The following GARNL3 variants were observed in gnomAD, a reference collection of about 807,000 sequenced individuals.
GARNL3 encodes GTPase-activating Rap/Ran-GAP domain-like protein 3.
GARNL3 carries 63 observed loss-of-function variants against 125.0 expected under a neutral mutation model. The observed-to-expected ratio is 0.50, with a 90% CI of 0.41 to 0.62. GARNL3 has a LOEUF of 0.62. Ranked by LOEUF, GARNL3 falls within the 20% of genes least tolerant of loss-of-function variation. The pLI, the probability that GARNL3 is intolerant of heterozygous loss-of-function variation, is 0.00. For synonymous variants in GARNL3, 439 were observed against 457.5 expected (o/e 0.96, Z 0.52); for missense variants, 994 against 1,244.0 (o/e 0.80, Z 3.02).
At chr9:127,375,847 G>C (rs1438739567) in intron 22 of GARNL3, among the ~76,000 whole-genome samples, 1 of 152,226 alleles carries the variant, frequency 6.6e-6, no homozygotes, top group Admixed American at 6.5e-5. Context: ...AGCAGCCCAG[G>C]GGAGAGGTCC....
intron 22 of GARNL3, among the ~76,000 whole-genome samples, chr9:127,370,208 G>C (rs765270036): frequency 6.6e-6 from 1 of 152,200 alleles, no homozygotes; most frequent in African/African-American, 2.4e-5. Flanking sequence ...TGGTGGGAGA[G>C]GTACTTGTTT....
At chr9:127,354,197 C>A in intron 18 of GARNL3, 97 bp from the exon 19 acceptor site, 1 of 886,292 alleles carries the variant, frequency 1.1e-6, no homozygotes, top group Non-Finnish European at 1.8e-6. Context: ...CAGAACACCT[C>A]CAATCCTAGT....
intron 1 of GARNL3, among the ~76,000 whole-genome samples, chr9:127,288,961 T>A (rs1314576573): frequency 6.6e-6 from 1 of 152,180 alleles, no homozygotes; most frequent in African/African-American, 2.4e-5. Flanking sequence ...TATTAATTGA[T>A]CATAGTGCTC....
upstream of GARNL3, among the ~76,000 whole-genome samples, chr9:127,261,800 G>A (rs1364749947): frequency 3.3e-5 from 5 of 152,158 alleles, no homozygotes; most frequent in Non-Finnish European, 7.3e-5. Flanking sequence ...TATTGTTCGG[G>A]ATCCAGAAAC....
chr9:127,349,146 G>A, intron 17 of GARNL3, 111 bp downstream of exon 17: 3 of 743,690 alleles, frequency 4.0e-6, no homozygotes, highest in Non-Finnish European at 7.1e-6. Context: ...GATCTGCAGA[G>A]AGTTTAGCGA....
At chr9:127,388,821 G>A (rs1832682702) in intron 25 of GARNL3, 83 bp from the exon 26 acceptor site, 1 of 868,280 alleles carries the variant, frequency 1.2e-6, no homozygotes, top group Non-Finnish European at 1.9e-6. Flanking sequence ...TTCATGCTAT[G>A]TTAAGGAACA....
chr9:127,387,139 G>A lies in GARNL3; in HGVS notation c.2389-54G>A, dbSNP rs143550093. 8.2e-3 allele frequency: 12,797 copies of A among 1,566,520 alleles called. 76 individuals carry two copies. Among genetic ancestry groups the A allele is most frequent in the Non-Finnish European group, 9.9e-3 (11,351 of 1,150,558 alleles). On this transcript the variant is annotated intron_variant, in intron 24 of 27. Coordinates refer to ENST00000373387, the MANE Select transcript of GARNL3 (RefSeq NM_032293.5). Reference sequence around the variant, plus strand: ...TGCAGTGATGGCAGGAGGGCCAGTGGATGCAAGGCCTAGAACACCAGGCAG... The same window carrying A: ...TGCAGTGATGGCAGGAGGGCCAGTGAATGCAAGGCCTAGAACACCAGGCAG...
At chr9:127,330,666 C>T (rs1829174185) in intron 7 of GARNL3, among the ~76,000 whole-genome samples, 1 of 152,062 alleles carries the variant, frequency 6.6e-6, no homozygotes, top group Non-Finnish European at 1.5e-5. Flanking sequence ...CAAGGTTCTC[C>T]GATGGAGAAT....
chr9:127,319,626 G>A (rs2065340894), intron 5 of GARNL3, among the ~76,000 whole-genome samples: 1 of 152,108 alleles, frequency 6.6e-6, no homozygotes, highest in Non-Finnish European at 1.5e-5. Flanking sequence ...TCTAAAGCCT[G>A]AGTTAAGCCT....
At chr9:127,361,124 G>C (rs1380942092) in intron 21 of GARNL3, among the ~76,000 whole-genome samples, 1 of 152,246 alleles carries the variant, frequency 6.6e-6, no homozygotes, top group African/African-American at 2.4e-5. Context: ...CACAGGGAAG[G>C]CTGAAGGCAG....
chr9:127,336,304 C>T (rs1183817456), intron 11 of GARNL3, 68 bp downstream of exon 11: 8 of 1,024,172 alleles, frequency 7.8e-6, no homozygotes, highest in South Asian at 1.4e-5. Context: ...ACTTCCATGA[C>T]CCTTAAACCA....
In GARNL3 at chr9:127,337,026, A is replaced by G. The variant is rs60240468; in HGVS notation, c.982+790A>G. Among the ~76,000 whole-genome samples the G allele has an allele frequency of 3.7e-3, 565 of 152,362 alleles. 10 individuals are homozygous for G. In the East Asian group the frequency reaches 0.07, roughly 19 times the overall value. On this transcript the variant is annotated intron_variant, in intron 11 of 27. Coordinates refer to ENST00000373387, the MANE Select transcript of GARNL3 (RefSeq NM_032293.5). The stretch of plus-strand genomic sequence containing the variant: ...AGACAGGCCCACGGTGACTCATGGC[A>G]TCTGGAGACTTGGACTTGTTCCTTG...
Position 127,264,907 on chromosome 9 carries a change from G to A in GARNL3, c.30G>A (p.Val10=). The change falls in exon 1 of 28, where the codon GTG becomes GTA. Residue 10 remains valine (V), a synonymous_variant. Coordinates refer to ENST00000373387, the MANE Select transcript of GARNL3 (RefSeq NM_032293.5). MVVDFCRRF[V]ARSLCIILMK... Reference sequence around the variant, plus strand: ...TAGTTGATTTTTGCAGAAGGTTTGTGGCCAGATCGCTATGTATAATACTGA... The same window carrying A: ...TAGTTGATTTTTGCAGAAGGTTTGTAGCCAGATCGCTATGTATAATACTGA... 1 of 1,600,068 alleles carries A rather than the reference G, an allele frequency of 6.2e-7. No individual in the cohort carries two copies. Among genetic ancestry groups the A allele is most frequent in the East Asian group, 2.3e-5 (1 of 44,018 alleles).
intron 16 of GARNL3, among the ~76,000 whole-genome samples, chr9:127,345,896 G>C (rs1249954649): frequency 6.6e-6 from 1 of 152,216 alleles, no homozygotes; most frequent in African/African-American, 2.4e-5. Context: ...AAACAGCAAG[G>C]CTCCTGGGCA....
intron 13 of GARNL3, among the ~76,000 whole-genome samples, chr9:127,341,699 A>G (rs765791315): frequency 6.6e-6 from 1 of 152,236 alleles, no homozygotes; most frequent in Non-Finnish European, 1.5e-5. Flanking sequence ...ACTCAGCAGC[A>G]CTAGGGACCC....
chr9:127,336,903 G>A (rs1829584217), intron 11 of GARNL3, among the ~76,000 whole-genome samples: 1 of 152,180 alleles, frequency 6.6e-6, no homozygotes, highest in Non-Finnish European at 1.5e-5. Flanking sequence ...GGCTCTACTG[G>A]TTATACATAA....
chr9:127,355,573 G>GT (rs1448840132), intron 20 of GARNL3, 101 bp downstream of exon 20: 9 of 1,095,596 alleles, frequency 8.2e-6, no homozygotes, highest in Non-Finnish European at 1.2e-5. Context: ...TTGTCCCACT[G>GT]TTTAGTAGCC....
At chr9:127,292,819 G>C (rs1352876736) in intron 2 of GARNL3, among the ~76,000 whole-genome samples, 1 of 152,222 alleles carries the variant, frequency 6.6e-6, no homozygotes, top group Non-Finnish European at 1.5e-5. Flanking sequence ...CTTGGGTCAT[G>C]ATCAGGAGTG....
intron 1 of GARNL3, among the ~76,000 whole-genome samples, chr9:127,288,166 A>G (rs2064307627): frequency 6.6e-6 from 1 of 152,214 alleles, no homozygotes; most frequent in Non-Finnish European, 1.5e-5. Flanking sequence ...GAGAAATGTA[A>G]ATCACAACTC....
Sources: gnomAD v4.1 joint callset for allele counts (sites outside exome capture counted in the v4.1 genomes callset) on GRCh38, gnomAD v4.1.1 for gene constraint, MANE v1.5 for transcripts, NCBI Gene and HGNC (gene_info 2026-07-23, HGNC 2026-07-21) for gene names.